Variants in NAPA observed in about 807,000 individuals in gnomAD.
NAPA encodes the protein NSF attachment protein alpha.
In NAPA, 18 loss-of-function variants were observed where a neutral mutation model predicts 48.0. That is an observed-to-expected ratio of 0.38 (90% CI 0.26 to 0.56). NAPA has a LOEUF of 0.56. Among genes scored for constraint, NAPA ranks in the 20% least tolerant of loss-of-function variants. The pLI, the probability that NAPA is intolerant of heterozygous loss-of-function variation, is 0.77. For synonymous variants in NAPA, 152 were observed against 149.9 expected (o/e 1.01, Z -0.10); for missense variants, 315 against 385.0 (o/e 0.82, Z 1.52).
chr19:47,495,791 G>C, intron 3 of NAPA, 195 bp from the exon 4 acceptor site: 1 of 606,100 alleles, frequency 1.6e-6, no homozygotes, highest in South Asian at 1.9e-5. Context: ...AGGAAATCTG[G>C]TGAGAGGGCT....
intron 1 of NAPA, among the ~76,000 whole-genome samples, chr19:47,509,637 G>A (rs975828658): frequency 6.6e-6 from 1 of 152,224 alleles, no homozygotes; most frequent in African/African-American, 2.4e-5. Context: ...ATAGCAGCAT[G>A]GGCTTCATCT....
intron 1 of NAPA, among the ~76,000 whole-genome samples, chr19:47,510,747 C>A (rs149783883): frequency 6.6e-6 from 1 of 152,310 alleles, no homozygotes; most frequent in Admixed American, 6.5e-5. Flanking sequence ...CCAGGAGACA[C>A]GCAGCAGGGA....
intron 3 of NAPA, chr19:47,496,437 T>A (rs1487998297): frequency 6.5e-6 from 1 of 152,778 alleles, no homozygotes; most frequent in Non-Finnish European, 1.5e-5. Flanking sequence ...GGAGGCATTT[T>A]CTAGCAGACA....
chr19:47,514,778 C>T, intron 1 of NAPA, 65 bp downstream of exon 1: 1 of 1,514,998 alleles, frequency 6.6e-7, no homozygotes, highest in Non-Finnish European at 9.1e-7. Context: ...AACCCGCCAC[C>T]TCCGAGCGTG....
chr19:47,486,158 C>T (rs958122443), downstream of NAPA, among the ~76,000 whole-genome samples: 1 of 152,056 alleles, frequency 6.6e-6, no homozygotes, highest in Non-Finnish European at 1.5e-5. Context: ...AGTTTGAGAC[C>T]AGCCTGGCCA....
At chr19:47,503,069 T>G (rs527953856) in intron 2 of NAPA, among the ~76,000 whole-genome samples, 1 of 152,256 alleles carries the variant, frequency 6.6e-6, no homozygotes, top group East Asian at 1.9e-4. Context: ...CACCTGAACA[T>G]CCTCCCCCAG....
chr19:47,498,917 G>A (rs528475438), intron 3 of NAPA, among the ~76,000 whole-genome samples: 3 of 152,330 alleles, frequency 2.0e-5, no homozygotes, highest in Admixed American at 6.5e-5. Context: ...CTACCCAGGT[G>A]AGGCTCTCCT....
At chr19:47,486,334 G>A (rs552822678), downstream of NAPA, among the ~76,000 whole-genome samples, 7 of 151,908 alleles carry the variant, frequency 4.6e-5, no homozygotes, top group South Asian at 4.2e-4. Context: ...CAGCCTGGGC[G>A]ATAGAGCGAG....
chr19:47,495,533 A>G lies in NAPA; in HGVS notation c.342+17T>C. On this transcript the variant is annotated intron_variant, in intron 4 of 10. Coordinates refer to ENST00000263354, the MANE Select transcript of NAPA (RefSeq NM_003827.4). ...CAGTGGGACCCGGGGGTGTCAGGAC[A>G]AGCAAGCAGCCCTTACCATGTCTGT... 6.2e-7 allele frequency: 1 copy of G among 1,613,642 alleles called. No individual in the cohort carries two copies. The highest frequency in any genetic ancestry group is 1.3e-5 in the African/African-American group (1 of 75,022).
rs1011748696 is a variant in NAPA, at chr19:47,493,356, A to G, written c.420+60T>C. On this transcript the variant is annotated intron_variant, in intron 5 of 10. Transcript: ENST00000263354. This position sits in a 1 kb window ranked among gnomAD's most constrained non-coding sequence, Gnocchi z 6.4. ...ACACCAGAGGACTCCCCTGGTGGGA[A>G]GAAGAGAGAGCAGCACTGGTCCTGG... is the stretch of plus-strand genomic sequence containing the variant. 4 of 1,583,644 alleles carry G rather than the reference A, an allele frequency of 2.5e-6. No homozygotes were observed. The highest frequency in any genetic ancestry group is 2.2e-5 in the East Asian group (1 of 44,670).
downstream of NAPA, among the ~76,000 whole-genome samples, chr19:47,486,309 C>T (rs1421476221): frequency 1.3e-5 from 2 of 151,932 alleles, no homozygotes; most frequent in African/African-American, 2.4e-5. Flanking sequence ...GAACCAAGAT[C>T]GCACCACTGC....
intron 1 of NAPA, among the ~76,000 whole-genome samples, chr19:47,507,243 C>G (rs987560503): frequency 9.2e-5 from 14 of 152,204 alleles, no homozygotes; most frequent in Non-Finnish European, 1.6e-4. Context: ...GCTCTCTCCC[C>G]CTCCAAGGCG....
At chr19:47,502,117 T>C (rs1028689764) in intron 2 of NAPA, among the ~76,000 whole-genome samples, 1 of 151,742 alleles carries the variant, frequency 6.6e-6, no homozygotes, top group East Asian at 1.9e-4. Context: ...GGCACGTGCC[T>C]GTAATCCCAG....
chr19:47,507,244 C>G (rs539794308), intron 1 of NAPA, among the ~76,000 whole-genome samples: 3 of 152,328 alleles, frequency 2.0e-5, no homozygotes, highest in South Asian at 4.1e-4. Context: ...CTCTCTCCCC[C>G]TCCAAGGCGG....
intron 1 of NAPA, among the ~76,000 whole-genome samples, chr19:47,507,454 C>A (rs555769110): frequency 6.6e-6 from 1 of 152,194 alleles, no homozygotes; most frequent in South Asian, 2.1e-4. Context: ...TGCCCTGAGA[C>A]CCACCACCTG....
chr19:47,513,391 G>T (rs751084184), intron 1 of NAPA, among the ~76,000 whole-genome samples: 1 of 152,208 alleles, frequency 6.6e-6, no homozygotes, highest in Non-Finnish European at 1.5e-5. Flanking sequence ...CACTCTCAGA[G>T]ATGTAACTCC....
chr19:47,501,221 G>A (rs547444606), intron 2 of NAPA, among the ~76,000 whole-genome samples: 3 of 152,302 alleles, frequency 2.0e-5, no homozygotes, highest in Non-Finnish European at 4.4e-5. Flanking sequence ...CTCCCCAGGG[G>A]AGCCTCGAAG....
intron 10 of NAPA, 110 bp from the exon 11 acceptor site, chr19:47,488,499 T>A (rs1968142042): frequency 1.0e-5 from 8 of 799,626 alleles, no homozygotes; most frequent in Non-Finnish European, 1.6e-5. Context: ...ACCCCTGGTC[T>A]CTGAGGAGGA....
At chr19:47,495,970 C>T (rs1300570669) in intron 3 of NAPA, 1 of 228,974 alleles carries the variant, frequency 4.4e-6, no homozygotes, top group Non-Finnish European at 8.8e-6. Flanking sequence ...CTGCCAAGGC[C>T]CTGCTCTTGA....
Sources: gnomAD v4.1 joint callset for allele counts (sites outside exome capture counted in the v4.1 genomes callset) on GRCh38, gnomAD v4.1.1 for gene constraint, Gnocchi (gnomAD v3.1) non-coding constraint, MANE v1.5 for transcripts, NCBI Gene and HGNC (gene_info 2026-07-23, HGNC 2026-07-21) for gene names.